Variants in ZBED3 observed in about 807,000 individuals in gnomAD.
ZBED3 encodes zinc finger BED domain-containing protein 3.
For synonymous variants in ZBED3, 175 were observed against 180.0 expected, an observed-to-expected ratio of 0.97 and a Z score of 0.22; for missense variants, 388 against 362.9, an observed-to-expected ratio of 1.07 and a Z score of -0.56.
chr5:77,076,685 G>C lies in ZBED3; in HGVS notation c.*489C>G, dbSNP rs1049926584. On this transcript the variant is annotated 3_prime_UTR_variant, in exon 3 of 3. Coordinates refer to ENST00000255198, the MANE Select transcript of ZBED3 (RefSeq NM_032367.4). ...TGGTGTTGGGCAGATTATGCATTAGGAACTCTTTTTTTTTTTTTTTTGGGT... is the reference window on the plus strand; with the variant it reads ...TGGTGTTGGGCAGATTATGCATTAGCAACTCTTTTTTTTTTTTTTTTGGGT... 1 of 125,856 alleles carries C rather than the reference G, an allele frequency of 7.9e-6. No individual in the cohort carries two copies. The highest frequency in any genetic ancestry group is 2.9e-5 in the African/African-American group (1 of 35,024). 7.8% of individuals were successfully genotyped at this position (125,856 alleles called of 1,614,324 possible).
intron 1 of ZBED3, among the ~76,000 whole-genome samples, chr5:77,084,976 T>C (rs1392537381): frequency 6.6e-6 from 1 of 152,218 alleles, no homozygotes; most frequent in Admixed American, 6.5e-5. Context: ...AAGACAAATG[T>C]AGATTTTAGA....
intron 1 of ZBED3, among the ~76,000 whole-genome samples, chr5:77,083,632 T>C (rs1422987796): frequency 6.6e-6 from 1 of 152,252 alleles, no homozygotes; most frequent in East Asian, 1.9e-4. Context: ...CGATATTTAC[T>C]GCTCAGACAT....
chr5:77,075,778 A>G lies in ZBED3; in HGVS notation c.*1396T>C, dbSNP rs984529989. Reference sequence around the variant, plus strand: ...GGAAAAGGAATTCTTTGAAGGAAAAACAGGATCCACCTACCAAGAGAGCAA... The same window carrying G: ...GGAAAAGGAATTCTTTGAAGGAAAAGCAGGATCCACCTACCAAGAGAGCAA... On this transcript the variant is annotated 3_prime_UTR_variant, in exon 3 of 3. Transcript: ENST00000255198. 1 of 151,230 alleles carries G rather than the reference A, an allele frequency of 6.6e-6. No homozygotes were observed. Among genetic ancestry groups the G allele is most frequent in the African/African-American group, 2.4e-5 (1 of 41,170 alleles). 9.4% of individuals were successfully genotyped at this position (151,230 alleles called of 1,614,324 possible).
In ZBED3 at chr5:77,075,194, A is replaced by C. The variant is rs1399872829; in HGVS notation, c.*1980T>G. ...GGGATATGAGCCACGAGTGGAGTGT[A>C]GACATAGGCCTAAGGAAGCAATCAG... is the stretch of plus-strand genomic sequence containing the variant. On this transcript the variant is annotated 3_prime_UTR_variant, in exon 3 of 3. Coordinates refer to ENST00000255198, the MANE Select transcript of ZBED3 (RefSeq NM_032367.4). 6.6e-6 allele frequency: 1 copy of C among 152,212 alleles called. No individual in the cohort carries two copies. Among genetic ancestry groups the C allele is most frequent in the African/African-American group, 2.4e-5 (1 of 41,428 alleles). The allele number at this position is 152,212 out of a possible 1,614,324, so 9.4% of individuals were successfully genotyped here.
rs1742918602 is a variant in ZBED3, at chr5:77,073,367, T to A, written c.*3807A>T. Reference sequence around the variant, plus strand: ...TTTCCTTCTAAAAAGGAAATTCAGATCATCTAGCCCAATTTATAAATCCAT... The same window carrying A: ...TTTCCTTCTAAAAAGGAAATTCAGAACATCTAGCCCAATTTATAAATCCAT... On this transcript the variant is annotated 3_prime_UTR_variant, in exon 3 of 3. Coordinates refer to ENST00000255198, the MANE Select transcript of ZBED3 (RefSeq NM_032367.4). The A allele has an allele frequency of 6.6e-6, 1 of 152,138 alleles. No individual in the cohort carries two copies. The highest frequency in any genetic ancestry group is 2.4e-5 in the African/African-American group (1 of 41,432). 9.4% of individuals were successfully genotyped at this position (152,138 alleles called of 1,614,324 possible). A position where few individuals can be genotyped will look rare whatever the true frequency, so the allele number is the denominator to read the frequency against.
Position 77,076,041 on chromosome 5 carries a change from G to GTATA in ZBED3, c.*1129_*1132dup, listed in dbSNP as rs34123036. ...TATATGTATATATATATGTATATAT[G>GTATA]TATATATATATATAATATATACACA... On this transcript the variant is annotated 3_prime_UTR_variant, in exon 3 of 3. Coordinates refer to ENST00000255198, the MANE Select transcript of ZBED3 (RefSeq NM_032367.4). The GTATA allele has an allele frequency of 1.3e-5, 1 of 76,282 alleles. No individual in the cohort carries two copies. The highest frequency in any genetic ancestry group is 2.8e-5 in the Non-Finnish European group (1 of 35,726). 4.7% of individuals were successfully genotyped at this position (76,282 alleles called of 1,614,324 possible). A position where few individuals can be genotyped will look rare whatever the true frequency, so the allele number is the denominator to read the frequency against.
chr5:77,080,013 T>C (rs554512255), intron 1 of ZBED3, among the ~76,000 whole-genome samples: 6 of 152,328 alleles, frequency 3.9e-5, no homozygotes, highest in African/African-American at 1.4e-4. Flanking sequence ...TTTTTATTAC[T>C]GGACAAACAC....
rs1742960588 is a variant in ZBED3, at chr5:77,075,635, GT to G, written c.*1538del. On this transcript the variant is annotated 3_prime_UTR_variant, in exon 3 of 3. Coordinates refer to ENST00000255198, the MANE Select transcript of ZBED3 (RefSeq NM_032367.4). Reference sequence around the variant, plus strand: ...ACTATTCAATCCAAGTGGAGAGTATGTATCTGAGTATTCATTGTGCTAGCCT... The same window carrying G: ...ACTATTCAATCCAAGTGGAGAGTATGATCTGAGTATTCATTGTGCTAGCCT... 1 of 151,536 alleles carries G rather than the reference GT, an allele frequency of 6.6e-6. No individual in the cohort carries two copies. 9.4% of individuals were successfully genotyped at this position (151,536 alleles called of 1,614,324 possible).
rs977760153 is a variant in ZBED3, at chr5:77,076,092, T to C, written c.*1082A>G. On this transcript the variant is annotated 3_prime_UTR_variant, in exon 3 of 3. Coordinates refer to ENST00000255198, the MANE Select transcript of ZBED3 (RefSeq NM_032367.4). Reference sequence around the variant, plus strand: ...CATAAAGAAAAAAAGAAAAGAAAACTGACCCAGAGTGAGGGAGTAAAAACT... The same window carrying C: ...CATAAAGAAAAAAAGAAAAGAAAACCGACCCAGAGTGAGGGAGTAAAAACT... The C allele has an allele frequency of 6.9e-6, 1 of 144,508 alleles. No individual in the cohort carries two copies. The highest frequency in any genetic ancestry group is 1.5e-5 in the Non-Finnish European group (1 of 66,518). 9.0% of individuals were successfully genotyped at this position (144,508 alleles called of 1,614,324 possible).
chr5:77,077,823 G>T lies in ZBED3; in HGVS notation c.56C>A (p.Ala19Glu). The T allele has an allele frequency of 7.7e-6, 10 of 1,295,048 alleles. No individual in the cohort carries two copies. The highest frequency in any genetic ancestry group is 9.7e-6 in the Non-Finnish European group (10 of 1,027,144). 80.2% of individuals were successfully genotyped at this position (1,295,048 alleles called of 1,614,324 possible). A position where few individuals can be genotyped will look rare whatever the true frequency, so the allele number is the denominator to read the frequency against. Reference protein sequence around the residue: ...TMDQARGLDDAAARGGQCPGL... With the variant: ...TMDQARGLDDEAARGGQCPGL... ...CGGACACTGACCGCCCCGCGCCGCC[G>T]CGTCGTCCAGCCCGCGGGCCTGGTC... The change falls in exon 3 of 3, where the codon GCG becomes GAG. Residue 19 changes from alanine (A) to glutamate (E), a missense_variant. Physicochemically the swap from Ala to Glu is moderately radical, Grantham distance 107 (BLOSUM62 -1). Transcript: ENST00000255198.
At position 77,081,356 on chromosome 5, in the gene ZBED3, A is replaced by AT. The variant is rs1331432401; in HGVS notation, c.-152-2629dup. ...TTTCTTTCTTTTTTTTTTTTTTTTAATTTTTTTTAAGACAGGGTCTTGCTC... is the reference window on the plus strand; with the variant it reads ...TTTCTTTCTTTTTTTTTTTTTTTTAATTTTTTTTTAAGACAGGGTCTTGCTC... On this transcript the variant is annotated intron_variant, in intron 1 of 2. Transcript: ENST00000255198. 9.7e-4 allele frequency among the ~76,000 whole-genome samples: 120 copies of AT among 123,332 alleles called. 1 individual carries two copies. The highest frequency in any genetic ancestry group is 3.6e-3 in the African/African-American group (117 of 32,884). The allele number at this position is 123,332 out of a possible 152,430, so 80.9% of individuals were successfully genotyped here. A position where few individuals can be genotyped will look rare whatever the true frequency, so the allele number is the denominator to read the frequency against.
rs1742931405 is a variant in ZBED3 at position 77,074,143 on chromosome 5, A to AAGGGC, written c.*3030_*3031insGCCCT. 6.6e-6 allele frequency: 1 copy of AAGGGC among 152,222 alleles called. No individual in the cohort carries two copies. Among genetic ancestry groups the AAGGGC allele is most frequent in the Non-Finnish European group, 1.5e-5 (1 of 68,072 alleles). The allele number at this position is 152,222 out of a possible 1,614,324, so 9.4% of individuals were successfully genotyped here. A position where few individuals can be genotyped will look rare whatever the true frequency, so the allele number is the denominator to read the frequency against. On this transcript the variant is annotated 3_prime_UTR_variant, in exon 3 of 3. Transcript: ENST00000255198. ...CCAATTTGGCTGCAGGATAGGGCAT[A>AAGGGC]TGTAGGGGAGGGGATAAGACTGGCA...
At position 77,077,591 on chromosome 5, in the gene ZBED3, C is replaced by G; in HGVS notation, c.288G>C (p.Ala96=). 2 of 1,346,824 alleles carry G rather than the reference C, an allele frequency of 1.5e-6. No homozygotes were observed. The highest frequency in any genetic ancestry group is 1.9e-6 in the Non-Finnish European group (2 of 1,047,516). The allele number at this position is 1,346,824 out of a possible 1,614,324, so 83.4% of individuals were successfully genotyped here. ...CGCTGCTCTCCAGCTCCCGCCGGTG[C>G]GCGCTCCTCAGGTGCCTCCACAACG... is the stretch of plus-strand genomic sequence containing the variant. ...TSALWRHLRS[A]HRRELESSGA... Residue 96 remains alanine (A), a synonymous_variant, in exon 3 of 3, where the codon GCG becomes GCC. Transcript: ENST00000255198.
chr5:77,084,462 C>T (rs1743197319), intron 1 of ZBED3, among the ~76,000 whole-genome samples: 2 of 151,698 alleles, frequency 1.3e-5, no homozygotes, highest in Admixed American at 6.5e-5. Flanking sequence ...AAGTGCCTTT[C>T]GCCTTCCGCC....
rs1743014285 is a variant in ZBED3 at position 77,076,785 on chromosome 5, T to C, written c.*389A>G. The C allele has an allele frequency of 6.1e-6, 1 of 165,262 alleles. No individual in the cohort carries two copies. The highest frequency in any genetic ancestry group is 6.4e-5 in the Admixed American group (1 of 15,608). The allele number at this position is 165,262 out of a possible 1,614,324, so 10.2% of individuals were successfully genotyped here. A position where few individuals can be genotyped will look rare whatever the true frequency, so the allele number is the denominator to read the frequency against. ...ATAGGCACATGGTGTGATAAGTCTT[T>C]GGTATGGAATGAAGCTCTATCCTTT... On this transcript the variant is annotated 3_prime_UTR_variant, in exon 3 of 3. Coordinates refer to ENST00000255198, the MANE Select transcript of ZBED3 (RefSeq NM_032367.4).
Position 77,077,566 on chromosome 5 carries a change from C to T in ZBED3, c.313G>A (p.Gly105Ser). Residue 105 changes from glycine (G) to serine (S), a missense_variant, in exon 3 of 3, where the codon GGC becomes AGC. Transcript: ENST00000255198. ...SAHRRELESS[G>S]AGSSPPAAPC... ...GCGGCAGGTGGGGAGCTCCCGGCGC[C>T]GCTGCTCTCCAGCTCCCGCCGGTGC... The T allele has an allele frequency of 7.8e-7, 1 of 1,277,542 alleles. No individual in the cohort carries two copies. Among genetic ancestry groups the T allele is most frequent in the South Asian group, 2.6e-5 (1 of 38,380 alleles). The allele number at this position is 1,277,542 out of a possible 1,614,324, so 79.1% of individuals were successfully genotyped here.
At chr5:77,078,094 C>G (rs1031623293) in intron 2 of ZBED3, among the ~76,000 whole-genome samples, 199 bp from the exon 3 acceptor site, 22 of 152,196 alleles carry the variant, frequency 1.4e-4, no homozygotes, top group Non-Finnish European at 3.1e-4. Context: ...TTAAAAATAT[C>G]TAGCCCTTCC....
chr5:77,073,563 G>C lies in ZBED3; in HGVS notation c.*3611C>G, dbSNP rs1742921576. On this transcript the variant is annotated 3_prime_UTR_variant, in exon 3 of 3. Coordinates refer to ENST00000255198, the MANE Select transcript of ZBED3 (RefSeq NM_032367.4). ...TTCCTTGACTGAGGCAATACATTTT[G>C]TGTTACTTGTATAATAAAAAAGTAG... The C allele has an allele frequency of 6.6e-6, 1 of 152,124 alleles. No individual in the cohort carries two copies. The highest frequency in any genetic ancestry group is 1.5e-5 in the Non-Finnish European group (1 of 68,004). 9.4% of individuals were successfully genotyped at this position (152,124 alleles called of 1,614,324 possible).
rs1380894446 is a variant in ZBED3 at position 77,075,969 on chromosome 5, A to ATATATATATATATATATG, written c.*1204_*1205insCATATATATATATATATA. On this transcript the variant is annotated 3_prime_UTR_variant, in exon 3 of 3. Transcript: ENST00000255198. ...CATATATATATATATATATATATGT[A>ATATATATATATATATATG]TATGTATATATGTATATATATATGT... is the stretch of plus-strand genomic sequence containing the variant. 10 of 20,146 alleles carry ATATATATATATATATATG rather than the reference A, an allele frequency of 5.0e-4. 1 individual carries two copies. The highest frequency in any genetic ancestry group is 1.3e-3 in the African/African-American group (6 of 4,634). 1.2% of individuals were successfully genotyped at this position (20,146 alleles called of 1,614,324 possible).
Sources: gnomAD v4.1 joint callset for allele counts (sites outside exome capture counted in the v4.1 genomes callset) on GRCh38, gnomAD v4.1.1 for gene constraint, MANE v1.5 for transcripts, NCBI Gene and HGNC (gene_info 2026-07-23, HGNC 2026-07-21) for gene names.